TMEFF2: variants seen among roughly 807,000 people sequenced by gnomAD.
TMEFF2 encodes tomoregulin-2.
TMEFF2 carries 28 observed loss-of-function variants against 53.8 expected under a neutral mutation model. The observed-to-expected ratio is 0.52, with a 90% CI of 0.39 to 0.71. TMEFF2 has a LOEUF of 0.71. TMEFF2 is among the 30% of genes least tolerant of loss of function. The pLI is 0.00. For missense variants in TMEFF2, 353 were observed against 455.2 expected (o/e 0.78, Z 2.04); for synonymous variants, 162 against 166.3 (o/e 0.97, Z 0.20).
At position 192,075,290 on chromosome 2, in the gene TMEFF2, T is replaced by TATATATATATATAA. The variant is rs1688386168; in HGVS notation, c.440-17516_440-17515insTTATATATATATAT. On this transcript the variant is annotated intron_variant, in intron 4 of 9. Coordinates refer to ENST00000272771, the MANE Select transcript of TMEFF2 (RefSeq NM_016192.4). ...ATACCCAGAGTACAGTACTATTATA[T>TATATATATATATAA]ATATATATATATATATATATATATA... 1.5e-3 allele frequency among the ~76,000 whole-genome samples: 38 copies of TATATATATATATAA among 25,388 alleles called. 2 individuals are homozygous for TATATATATATATAA. Among genetic ancestry groups the TATATATATATATAA allele is most frequent in the Admixed American group, 3.6e-3 (8 of 2,194 alleles). The allele number at this position is 25,388 out of a possible 152,430, so 16.7% of individuals were successfully genotyped here.
chr2:192,191,223 C>T (rs1459846538), intron 2 of TMEFF2, among the ~76,000 whole-genome samples: 2 of 152,072 alleles, frequency 1.3e-5, no homozygotes, highest in Non-Finnish European at 2.9e-5. Flanking sequence ...TTCTTTCTCT[C>T]TTTGTTAGTT....
chr2:192,135,678 T>C (rs572152267), intron 4 of TMEFF2, among the ~76,000 whole-genome samples: 9 of 152,222 alleles, frequency 5.9e-5, no homozygotes, highest in African/African-American at 2.2e-4. Flanking sequence ...AAGGCAGGAA[T>C]GTCAGGCCTC....
intron 4 of TMEFF2, among the ~76,000 whole-genome samples, chr2:192,121,228 G>A (rs12987005): frequency 0.15 from 22,358 of 152,128 alleles, 2,377 homozygotes; most frequent in African/African-American, 0.28. Context: ...CTATAAAGCA[G>A]AGGACAGAAC....
chr2:192,184,238 G>A, intron 3 of TMEFF2, 116 bp downstream of exon 3: 1 of 1,283,964 alleles, frequency 7.8e-7, no homozygotes, highest in Admixed American at 2.1e-5. Context: ...AAACAATACG[G>A]CTTGTCTAGT....
At chr2:191,985,003 TTTG>T (rs1490428376) in intron 7 of TMEFF2, among the ~76,000 whole-genome samples, 5 of 152,146 alleles carry the variant, frequency 3.3e-5, no homozygotes, top group African/African-American at 9.6e-5. Context: ...CAGTCTGAAT[TTTG>T]TTAAGATTAG....
chr2:192,040,735 T>C (rs144133739), intron 5 of TMEFF2, among the ~76,000 whole-genome samples: 12 of 152,264 alleles, frequency 7.9e-5, no homozygotes, highest in African/African-American at 2.6e-4. Context: ...TCCTGAATTT[T>C]ACATATGAGA....
chr2:192,049,195 T>G (rs4303667), intron 5 of TMEFF2, among the ~76,000 whole-genome samples: 140,553 of 152,004 alleles, frequency 0.92, 65,996 homozygotes, highest in South Asian at 1. Context: ...TATACACTTA[T>G]ATACACACAT....
At chr2:191,956,797 C>G (rs1262558771) in intron 7 of TMEFF2, among the ~76,000 whole-genome samples, 1 of 152,172 alleles carries the variant, frequency 6.6e-6, no homozygotes, top group Non-Finnish European at 1.5e-5. Flanking sequence ...AATACGAAAG[C>G]TTAAAAGTTA....
chr2:192,182,298 C>T (rs1414122825), intron 3 of TMEFF2, among the ~76,000 whole-genome samples: 1 of 151,852 alleles, frequency 6.6e-6, no homozygotes, highest in African/African-American at 2.4e-5. Context: ...AAAGTCAGAA[C>T]CCCAATTTAT....
In TMEFF2 at chr2:192,074,403, T is replaced by A. The variant is rs970199498; in HGVS notation, c.440-16628A>T. ...TTATTGCAAGCATCAAAAATCCATT[T>A]TGTTGGGTGATCATAAAATATTCTA... is the stretch of plus-strand genomic sequence containing the variant. On this transcript the variant is annotated intron_variant, in intron 4 of 9. Transcript: ENST00000272771. Among the ~76,000 whole-genome samples, 6 of 151,924 alleles carry A rather than the reference T, an allele frequency of 3.9e-5. No homozygotes were observed. The South Asian group carries it at 1.2e-3, about 31-fold the overall frequency.
chr2:192,006,020 G>T (rs1003909244), intron 5 of TMEFF2, among the ~76,000 whole-genome samples: 1 of 150,352 alleles, frequency 6.7e-6, no homozygotes, highest in Non-Finnish European at 1.5e-5. Context: ...GACTGGTAAG[G>T]CTAATAAGTC....
intron 4 of TMEFF2, among the ~76,000 whole-genome samples, chr2:192,086,560 G>A (rs1368662655): frequency 1.3e-5 from 2 of 152,128 alleles, no homozygotes; most frequent in Non-Finnish European, 2.9e-5. Context: ...GTAAAGGGCT[G>A]TTAGATGAGA....
intron 4 of TMEFF2, among the ~76,000 whole-genome samples, chr2:192,134,991 A>G (rs933124925): frequency 2.0e-5 from 3 of 152,192 alleles, no homozygotes; most frequent in African/African-American, 2.4e-5. Context: ...CAGAAGTCAG[A>G]CCTGTCCTCA....
chr2:191,951,177 GTA>G (rs1691868590), intron 9 of TMEFF2, among the ~76,000 whole-genome samples: 1 of 150,010 alleles, frequency 6.7e-6, no homozygotes, highest in Non-Finnish European at 1.5e-5. Context: ...GTGTGTGTGT[GTA>G]TGTATGTGTA....
chr2:192,100,937 A>G (rs1418182104), intron 4 of TMEFF2, among the ~76,000 whole-genome samples: 3 of 152,276 alleles, frequency 2.0e-5, no homozygotes, highest in Admixed American at 1.3e-4. Flanking sequence ...TTACTCCTTT[A>G]TGGAGACACA....
intron 4 of TMEFF2, among the ~76,000 whole-genome samples, chr2:192,133,181 G>A (rs578117021): frequency 6.6e-6 from 1 of 152,214 alleles, no homozygotes; most frequent in South Asian, 2.1e-4. Context: ...ATTAGGCGGA[G>A]ACACTTTAAC....
rs541025331 is a variant in TMEFF2, at chr2:192,119,755, G to A, written c.439+59913C>T. On this transcript the variant is annotated intron_variant, in intron 4 of 9. Transcript: ENST00000272771. ...TTTCTAATGCAGCTTGATATTACTTGTGATTCAAACAATGTCATCTGTCCT... is the reference window on the plus strand; with the variant it reads ...TTTCTAATGCAGCTTGATATTACTTATGATTCAAACAATGTCATCTGTCCT... Among the ~76,000 whole-genome samples the A allele has an allele frequency of 3.9e-5, 6 of 152,272 alleles. No homozygotes were observed. The East Asian group carries it at 1.2e-3, about 29-fold the overall frequency.
At chr2:192,164,726 CAAAA>C (rs34648660) in intron 4 of TMEFF2, among the ~76,000 whole-genome samples, 73 of 133,662 alleles carry the variant, frequency 5.5e-4, no homozygotes, top group Admixed American at 8.9e-4. Flanking sequence ...GACTTCGTCT[CAAAA>C]AAAAAAAAAA....
chr2:192,001,163 T>C (rs1292773776), intron 5 of TMEFF2, among the ~76,000 whole-genome samples: 1 of 152,186 alleles, frequency 6.6e-6, no homozygotes, highest in Admixed American at 6.5e-5. Context: ...AGATTCTGAC[T>C]GTTGTTGTGT....
Sources: allele counts gnomAD v4.1 joint callset (sites outside exome capture counted in the v4.1 genomes callset), GRCh38; gene constraint gnomAD v4.1.1; transcripts MANE v1.5; gene names NCBI Gene and HGNC (gene_info 2026-07-23, HGNC 2026-07-21).